Variants in RBM33 observed in about 807,000 individuals in gnomAD.
RBM33 encodes RNA binding motif protein 33.
Under a neutral mutation model 132.6 loss-of-function variants are expected in RBM33, and 28 were observed. The observed-to-expected ratio is 0.21, with a 90% confidence interval of 0.16 to 0.29. The LOEUF is 0.29. RBM33 is among the 10% of genes least tolerant of loss of function. The pLI is 1.00. For synonymous variants in RBM33, 634 were observed against 593.0 expected (o/e 1.07, Z -1.01); for missense variants, 1,291 against 1,518.5 (o/e 0.85, Z 2.49).
At chr7:155,757,991 C>T (rs1307007977) in intron 14 of RBM33, among the ~76,000 whole-genome samples, 11 of 152,140 alleles carry the variant, frequency 7.2e-5, no homozygotes, top group Non-Finnish European at 4.4e-5. Flanking sequence ...AGTCATCCGC[C>T]CCATGATCCA....
chr7:155,673,402 T>TA (rs1554469566), intron 3 of RBM33, among the ~76,000 whole-genome samples: 21 of 45,162 alleles, frequency 4.6e-4, no homozygotes, highest in Admixed American at 1.9e-3. Flanking sequence ...TTTATATATA[T>TA]TGTGTGTGTG....
At position 155,738,163 on chromosome 7, in the gene RBM33, T is replaced by C; in HGVS notation, c.1497T>C (p.Pro499=). The C allele has an allele frequency of 6.2e-7, 1 of 1,614,016 alleles. No individual in the cohort carries two copies. Among genetic ancestry groups the C allele is most frequent in the Non-Finnish European group, 8.5e-7 (1 of 1,179,878 alleles). Reference sequence around the variant, plus strand: ...TTCTTAACAGTAGCCATCCTGTTCCTACTCAGAGTCCTCTACCATTCACTC... The same window carrying C: ...TTCTTAACAGTAGCCATCCTGTTCCCACTCAGAGTCCTCTACCATTCACTC... ...PTLLNSSHPV[P]TQSPLPFTQP... The change falls in exon 11 of 18, where the codon CCT becomes CCC. Residue 499 remains proline, a synonymous_variant. Transcript: ENST00000401878.
At chr7:155,759,540 C>T (rs1733681907) in intron 14 of RBM33, among the ~76,000 whole-genome samples, 1 of 151,552 alleles carries the variant, frequency 6.6e-6, no homozygotes, top group African/African-American at 2.4e-5. Flanking sequence ...GCCTCAGCCT[C>T]CTGAGTAGCT....
At chr7:155,724,577 A>G (rs538306897) in intron 9 of RBM33, among the ~76,000 whole-genome samples, 71 of 152,208 alleles carry the variant, frequency 4.7e-4, no homozygotes, top group Non-Finnish European at 8.8e-4. Flanking sequence ...TAATTCTTCC[A>G]AAAGATGAGA....
intron 2 of RBM33, among the ~76,000 whole-genome samples, chr7:155,669,626 T>A (rs1449411592): frequency 6.6e-6 from 1 of 152,216 alleles, no homozygotes; most frequent in African/African-American, 2.4e-5. Flanking sequence ...GTGTTGAGAT[T>A]ACGGTGTGAA....
At chr7:155,656,033 C>T (rs1238935492) in intron 1 of RBM33, among the ~76,000 whole-genome samples, 2 of 152,168 alleles carry the variant, frequency 1.3e-5, no homozygotes, top group Admixed American at 1.3e-4. Flanking sequence ...TTGGCGGATA[C>T]ATTCTTGAAA....
intron 6 of RBM33, chr7:155,701,518 T>C (rs1381245394): frequency 6.5e-6 from 1 of 153,530 alleles, no homozygotes; most frequent in Non-Finnish European, 1.4e-5. Flanking sequence ...ATAGCGACCC[T>C]ACCCCTCATT....
intron 7 of RBM33, 161 bp from the exon 8 acceptor site, chr7:155,711,042 G>T: frequency 9.9e-7 from 1 of 1,007,798 alleles, no homozygotes; most frequent in Non-Finnish European, 1.3e-6. Context: ...CTGCTGTTTT[G>T]ATACAAGTTG....
At chr7:155,767,247 C>T (rs925464740) in intron 16 of RBM33, among the ~76,000 whole-genome samples, 6 of 152,250 alleles carry the variant, frequency 3.9e-5, no homozygotes, top group Admixed American at 2.0e-4. Flanking sequence ...AACTCCTGGT[C>T]TCTGTAGGCT....
chr7:155,731,539 G>T, intron 9 of RBM33, among the ~76,000 whole-genome samples: 1 of 152,190 alleles, frequency 6.6e-6, no homozygotes, highest in Non-Finnish European at 1.5e-5. Flanking sequence ...TTGACCAAGT[G>T]ACTAATGGGC....
intron 14 of RBM33, among the ~76,000 whole-genome samples, chr7:155,760,282 GCT>G (rs1419317046): frequency 6.6e-6 from 1 of 152,224 alleles, no homozygotes; most frequent in Admixed American, 6.5e-5. Flanking sequence ...CTACCAGGGA[GCT>G]GATTTAGATT....
rs566724276 is a variant in RBM33, at chr7:155,724,171, G to A, written c.1260+5728G>A. Among the ~76,000 whole-genome samples, 200 of 152,110 alleles carry A rather than the reference G, an allele frequency of 1.3e-3. 1 individual carries two copies. The highest frequency in any genetic ancestry group is 6.8e-3 in the Middle Eastern group (2 of 294). On this transcript the variant is annotated intron_variant, in intron 9 of 17. Transcript: ENST00000401878. ...TCTTTTAATATTTAATTTCCCAGGAGTTGTTGAAGACCTGTGGTTCTGTTT... is the reference window on the plus strand; with the variant it reads ...TCTTTTAATATTTAATTTCCCAGGAATTGTTGAAGACCTGTGGTTCTGTTT...
Position 155,766,127 on chromosome 7 carries a change from A to G in RBM33, c.3187-340A>G, listed in dbSNP as rs1201336330. 2.0e-5 allele frequency among the ~76,000 whole-genome samples: 3 copies of G among 152,078 alleles called. No homozygotes were observed. The South Asian group carries it at 6.2e-4, about 32-fold the overall frequency. ...TCTCAGGACAGGATCCAAATTCTGA[A>G]CTGTCATTTGCAGCAAGTTTCTCAG... On this transcript the variant is annotated intron_variant, in intron 15 of 17. Transcript: ENST00000401878.
intron 14 of RBM33, among the ~76,000 whole-genome samples, chr7:155,752,891 C>T (rs1288312597): frequency 6.6e-6 from 1 of 152,198 alleles, no homozygotes; most frequent in Admixed American, 6.5e-5. Context: ...TCTTCTGCAG[C>T]CCGATCTTCT....
chr7:155,735,782 A>C (rs985616024), intron 9 of RBM33, among the ~76,000 whole-genome samples: 1 of 152,028 alleles, frequency 6.6e-6, no homozygotes. Flanking sequence ...GCATTATATC[A>C]GTGAATTTTC....
intron 5 of RBM33, chr7:155,684,887 C>T (rs1427388876): frequency 1.9e-6 from 3 of 1,539,972 alleles, no homozygotes; most frequent in Middle Eastern, 1.7e-4. Context: ...AAAAACCACC[C>T]CAAAGCTGTA....
intron 6 of RBM33, among the ~76,000 whole-genome samples, chr7:155,703,421 T>C (rs906712587): frequency 5.9e-5 from 9 of 152,182 alleles, no homozygotes; most frequent in African/African-American, 2.2e-4. Context: ...GCTTGACTAG[T>C]GACCATTCTC....
In RBM33 at chr7:155,774,475, A is replaced by G; in HGVS notation, c.3376-84A>G. On this transcript the variant is annotated intron_variant, in intron 16 of 17. Coordinates refer to ENST00000401878, the MANE Select transcript of RBM33 (RefSeq NM_053043.3). The surrounding 1 kb of genome is among the most constrained non-coding windows in gnomAD (Gnocchi z 4.2). ...GTCCGCCTGGACTCATTTTGTGTTA[A>G]AACTAATAATGCTTAAATATATATA... The G allele has an allele frequency of 9.7e-7, 1 of 1,029,612 alleles. No individual in the cohort carries two copies. The highest frequency in any genetic ancestry group is 1.5e-6 in the Non-Finnish European group (1 of 682,358). The allele number at this position is 1,029,612 out of a possible 1,614,324, so 63.8% of individuals were successfully genotyped here.
At chr7:155,767,347 C>T (rs559369223) in intron 16 of RBM33, among the ~76,000 whole-genome samples, 4 of 152,366 alleles carry the variant, frequency 2.6e-5, no homozygotes, top group African/African-American at 7.2e-5. Flanking sequence ...GCCATTGCCA[C>T]GCACCGTGCG....
Sources: gnomAD v4.1 joint callset for allele counts (sites outside exome capture counted in the v4.1 genomes callset) on GRCh38, gnomAD v4.1.1 for gene constraint, Gnocchi (gnomAD v3.1) non-coding constraint, MANE v1.5 for transcripts, NCBI Gene and HGNC (gene_info 2026-07-23, HGNC 2026-07-21) for gene names.